The following PDE8A variants were observed in gnomAD, a reference collection of about 807,000 sequenced individuals.
PDE8A encodes the protein high affinity cAMP-specific and IBMX-insensitive 3',5'-cyclic phosphodiesterase 8A.
PDE8A carries 59 observed loss-of-function variants against 105.0 expected under a neutral mutation model. The observed-to-expected ratio is 0.56, with a 90% CI of 0.46 to 0.70. The LOEUF (loss-of-function observed/expected upper bound fraction) is 0.70. Among genes scored for constraint, PDE8A ranks in the 30% least tolerant of loss-of-function variants. PDE8A has a pLI of 0.00. For missense variants in PDE8A, 1,014 were observed against 1,045.9 expected, an observed-to-expected ratio of 0.97 and a Z score of 0.42; for synonymous variants, 355 against 371.9, an observed-to-expected ratio of 0.95 and a Z score of 0.52.
At chr15:85,014,635 A>T (rs181083833) in intron 1 of PDE8A, among the ~76,000 whole-genome samples, 9 of 152,254 alleles carry the variant, frequency 5.9e-5, no homozygotes, top group African/African-American at 1.7e-4. Flanking sequence ...ACCTATATTG[A>T]TGTTCATATA....
Position 85,089,409 on chromosome 15 carries a change from T to C in PDE8A, c.707T>C (p.Phe236Ser), listed in dbSNP as rs1292210869. Reference sequence around the variant, plus strand: ...ATTGAAATTACAAGCGAAGACCGTTTTATACAGGTTTGTTATTTTGGAAAT... The same window carrying C: ...ATTGAAATTACAAGCGAAGACCGTTCTATACAGGTTTGTTATTTTGGAAAT... ...DAIEITSEDRFIQYANPAFET... is the reference protein window; with the variant it reads ...DAIEITSEDRSIQYANPAFET... The change falls in exon 7 of 22, where the codon TTT becomes TCT. Residue 236 changes from phenylalanine to serine, a missense_variant. Phe to Ser is a radical substitution (Grantham distance 155). Transcript: ENST00000394553. 2.6e-6 allele frequency: 4 copies of C among 1,560,764 alleles called. No homozygotes were observed. The highest frequency in any genetic ancestry group is 3.5e-6 in the Non-Finnish European group (4 of 1,136,974).
At chr15:84,991,977 A>G (rs2079892657) in intron 1 of PDE8A, among the ~76,000 whole-genome samples, 1 of 152,250 alleles carries the variant, frequency 6.6e-6, no homozygotes, top group African/African-American at 2.4e-5. Context: ...GCAAGACCCC[A>G]TCTCTAACAA....
chr15:85,059,635 A>AG (rs1462588935), intron 1 of PDE8A, among the ~76,000 whole-genome samples: 1 of 152,052 alleles, frequency 6.6e-6, no homozygotes, highest in Non-Finnish European at 1.5e-5. Flanking sequence ...TGTTAGTATA[A>AG]CTTCCCCTGC....
At chr15:85,076,655 T>C (rs1469065858) in intron 4 of PDE8A, 78 bp from the exon 5 acceptor site, 3 of 858,740 alleles carry the variant, frequency 3.5e-6, no homozygotes, top group African/African-American at 1.7e-5. Flanking sequence ...CGAAGTATTA[T>C]TTAAATTAGT....
chr15:85,081,036 G>C (rs140841670), intron 5 of PDE8A, among the ~76,000 whole-genome samples: 126 of 152,310 alleles, frequency 8.3e-4, no homozygotes, highest in African/African-American at 2.9e-3. Context: ...CTCATCCAGA[G>C]TCTCTTACTT....
At chr15:84,998,866 A>G (rs2080020962) in intron 1 of PDE8A, among the ~76,000 whole-genome samples, 1 of 152,188 alleles carries the variant, frequency 6.6e-6, no homozygotes, top group Admixed American at 6.5e-5. Flanking sequence ...TTCAAAAGGC[A>G]CAGAACACCT....
Position 84,981,941 on chromosome 15 carries a change from G to A in PDE8A, c.-222G>A, listed in dbSNP as rs1376885253. On this transcript the variant is annotated 5_prime_UTR_variant, in exon 1 of 22. Coordinates refer to ENST00000394553, the MANE Select transcript of PDE8A (RefSeq NM_002605.3). ...ATGTTCGGAGGGGCGGCCTCGGCAC[G>A]CCACCCGCCTAAGCGCCCCCTTCCC... is the stretch of plus-strand genomic sequence containing the variant. 3.4e-5 allele frequency: 9 copies of A among 267,882 alleles called. No homozygotes were observed. In the East Asian group the frequency reaches 3.5e-4, roughly 10 times the overall value. 16.6% of individuals were successfully genotyped at this position (267,882 alleles called of 1,614,324 possible).
intron 1 of PDE8A, among the ~76,000 whole-genome samples, chr15:85,003,796 T>C (rs2080103426): frequency 6.6e-6 from 1 of 152,200 alleles, no homozygotes; most frequent in African/African-American, 2.4e-5. Flanking sequence ...TTACCCTGCA[T>C]TGCTCATCAC....
intron 6 of PDE8A, among the ~76,000 whole-genome samples, chr15:85,084,086 G>C (rs1031513627): frequency 1.5e-4 from 22 of 151,242 alleles, no homozygotes. Context: ...ATGAGTAGAG[G>C]CCTCATTCTT....
rs115629454 is a variant in PDE8A, at chr15:85,045,327, G to C, written c.187-19043G>C. Among the ~76,000 whole-genome samples the C allele has an allele frequency of 6.8e-3, 1,028 of 152,272 alleles. 8 individuals are homozygous for C. Among genetic ancestry groups the C allele is most frequent in the African/African-American group, 0.024 (984 of 41,552 alleles). On this transcript the variant is annotated intron_variant, in intron 1 of 21. Coordinates refer to ENST00000394553, the MANE Select transcript of PDE8A (RefSeq NM_002605.3). Reference sequence around the variant, plus strand: ...TCAGAAGGATAAATGCTGTTTTCCAGTTTCTTGATCTTTTTCCAGCTAGAT... The same window carrying C: ...TCAGAAGGATAAATGCTGTTTTCCACTTTCTTGATCTTTTTCCAGCTAGAT...
chr15:85,051,790 G>T (rs12913985), intron 1 of PDE8A, among the ~76,000 whole-genome samples: 69,452 of 151,874 alleles, frequency 0.46, 15,940 homozygotes, highest in Middle Eastern at 0.55. Flanking sequence ...GGACGTGATC[G>T]TTTTCCTTTT....
chr15:84,981,728 G>A (rs2142128711), upstream of PDE8A, among the ~76,000 whole-genome samples: 1 of 151,370 alleles, frequency 6.6e-6, no homozygotes, highest in Admixed American at 6.6e-5. Flanking sequence ...GGCCGGGCGC[G>A]GCCGGGAGCT....
chr15:85,110,483 C>T (rs1181919602), intron 12 of PDE8A, among the ~76,000 whole-genome samples: 5 of 152,118 alleles, frequency 3.3e-5, no homozygotes, highest in African/African-American at 7.2e-5. Flanking sequence ...CAGAAGCAAC[C>T]ATTGATGGCT....
In PDE8A at chr15:85,091,144, T is replaced by C. The variant is rs1016449019; in HGVS notation, c.815T>C (p.Leu272Ser). 1.2e-6 allele frequency: 2 copies of C among 1,613,082 alleles called. No homozygotes were observed. Among genetic ancestry groups the C allele is most frequent in the Middle Eastern group, 1.7e-4 (1 of 6,050 alleles). Residue 272 changes from leucine (L) to serine (S), a missense_variant, in exon 8 of 22, where the codon TTG (leucine) becomes TCG (serine). Physicochemically the swap from Leu to Ser is moderately radical, Grantham distance 145. Transcript: ENST00000394553. ...CCTATAAATGAAAAAAAGGCTGACT[T>C]GCTCGATACTATAAATTCATGCATC... ...EVPINEKKAD[L>S]LDTINSCIRI...
chr15:85,042,076 A>AT (rs113543416), intron 1 of PDE8A, among the ~76,000 whole-genome samples: 50,000 of 150,720 alleles, frequency 0.33, 8,930 homozygotes, highest in African/African-American at 0.45. Context: ...AAAGAAACCA[A>AT]TTTTTTTTTT....
At chr15:85,075,996 T>A in intron 4 of PDE8A, 78 bp downstream of exon 4, 4 of 763,262 alleles carry the variant, frequency 5.2e-6, no homozygotes, top group Non-Finnish European at 9.1e-6. Flanking sequence ...AAATAACAGC[T>A]TGCATGCTGT....
At chr15:85,017,602 T>C (rs1337663848) in intron 1 of PDE8A, among the ~76,000 whole-genome samples, 1 of 152,036 alleles carries the variant, frequency 6.6e-6, no homozygotes, top group Non-Finnish European at 1.5e-5. Context: ...ATTAAAGGAA[T>C]AAGACCGGAC....
chr15:85,095,998 C>A (rs897457798), intron 8 of PDE8A, among the ~76,000 whole-genome samples: 1 of 151,942 alleles, frequency 6.6e-6, no homozygotes, highest in Non-Finnish European at 1.5e-5. Flanking sequence ...GCCTCAGCCT[C>A]CCGAGTAGCT....
At chr15:85,093,233 G>A (rs1303938638) in intron 8 of PDE8A, among the ~76,000 whole-genome samples, 1 of 152,178 alleles carries the variant, frequency 6.6e-6, no homozygotes, top group Non-Finnish European at 1.5e-5. Flanking sequence ...AAGAGCCTGG[G>A]TATTTGTTTC....
Sources: allele counts gnomAD v4.1 joint callset (sites outside exome capture counted in the v4.1 genomes callset), GRCh38; gene constraint gnomAD v4.1.1; transcripts MANE v1.5; gene names NCBI Gene and HGNC (gene_info 2026-07-23, HGNC 2026-07-21).